ARHGEF18: variants seen among roughly 807,000 people sequenced by gnomAD.
ARHGEF18 encodes Rho/Rac guanine nucleotide exchange factor 18, also known as rho guanine nucleotide exchange factor 18.
ARHGEF18 carries 93 observed loss-of-function variants against 155.7 expected under a neutral mutation model. That is an observed-to-expected ratio of 0.60 (90% CI 0.50 to 0.71). The LOEUF is 0.71. Among genes scored for constraint, ARHGEF18 ranks in the 30% least tolerant of loss-of-function variants. ARHGEF18 has a pLI of 0.00. For missense variants in ARHGEF18, 1,593 were observed against 1,816.1 expected (o/e 0.88, Z 2.23); for synonymous variants, 742 against 753.1 (o/e 0.99, Z 0.24).
In ARHGEF18 at chr19:7,437,793, G is replaced by T. The variant is rs190838294; in HGVS notation, c.968-2551G>T. ...CGAGTAGCTGGGATTACAGGTGCCC[G>T]CCACCATGCCCAGCTAATTTTGTAT... On this transcript the variant is annotated intron_variant, in intron 10 of 28. Transcript: ENST00000668164. 2.6e-5 allele frequency among the ~76,000 whole-genome samples: 4 copies of T among 151,180 alleles called. 1 individual carries two copies. The highest frequency in any genetic ancestry group is 9.7e-5 in the African/African-American group (4 of 41,130).
Position 7,376,642 on chromosome 19 carries a change from G to C in ARHGEF18, c.427-1G>C. ...TTAGTGAGATGTTTAATCCCCTGCA[G>C]GAATGTGACAGCCCCAAGAAAAGAG... On this transcript the variant is annotated splice_acceptor_variant, in intron 4 of 28. Coordinates refer to ENST00000668164, the MANE Select transcript of ARHGEF18 (RefSeq NM_001367823.1). LOFTEE classifies it high-confidence loss of function. 1 of 1,234,122 alleles carries C rather than the reference G, an allele frequency of 8.1e-7. No individual in the cohort carries two copies. Among genetic ancestry groups the C allele is most frequent in the African/African-American group, 1.5e-5 (1 of 64,594 alleles). 76.4% of individuals were successfully genotyped at this position (1,234,122 alleles called of 1,614,324 possible).
intron 2 of ARHGEF18, among the ~76,000 whole-genome samples, chr19:7,371,512 GTC>G (rs1353286066): frequency 1.3e-5 from 2 of 151,886 alleles, no homozygotes; most frequent in Non-Finnish European, 2.9e-5. Context: ...GTGAAACCCC[GTC>G]TCTAATAAAA....
chr19:7,478,043 A>G, the ARHGEF18 span, among the ~76,000 whole-genome samples: 1 of 152,206 alleles, frequency 6.6e-6, no homozygotes, highest in Non-Finnish European at 1.5e-5. Flanking sequence ...AGAAAAAGCA[A>G]CAGTAACAAT....
At chr19:7,426,178 C>CA (rs917425705) in intron 10 of ARHGEF18, among the ~76,000 whole-genome samples, 12 of 151,356 alleles carry the variant, frequency 7.9e-5, no homozygotes, top group African/African-American at 2.7e-4. Flanking sequence ...GACCCTGTCT[C>CA]AAAAAAGAAA....
chr19:7,416,986 T>A (rs949566827), intron 10 of ARHGEF18, among the ~76,000 whole-genome samples: 3 of 151,970 alleles, frequency 2.0e-5, no homozygotes, highest in Non-Finnish European at 4.4e-5. Flanking sequence ...CTCGGCTCAC[T>A]GCAGCCTTTG....
chr19:7,360,937 T>C (rs1001341637), intron 1 of ARHGEF18, among the ~76,000 whole-genome samples: 1 of 152,172 alleles, frequency 6.6e-6, no homozygotes, highest in African/African-American at 2.4e-5. Context: ...GTGGAAACCC[T>C]GGCATTGCTC....
At chr19:7,446,401 A>G (rs1974993790) in intron 14 of ARHGEF18, among the ~76,000 whole-genome samples, 1 of 151,848 alleles carries the variant, frequency 6.6e-6, no homozygotes, top group Non-Finnish European at 1.5e-5. Context: ...TGGAATTGCA[A>G]ATAAATCTAA....
chr19:7,389,491 C>CT (rs1390459093), intron 10 of ARHGEF18, among the ~76,000 whole-genome samples: 1 of 91,376 alleles, frequency 1.1e-5, no homozygotes, highest in Non-Finnish European at 2.3e-5. Flanking sequence ...TTCCTTCTTC[C>CT]TTCCTCCCTT....
chr19:7,372,704 A>G, intron 2 of ARHGEF18, 108 bp from the exon 3 acceptor site: 1 of 1,125,106 alleles, frequency 8.9e-7, no homozygotes, highest in South Asian at 4.7e-5. Flanking sequence ...GGTAGGGGAC[A>G]GGCAGGGTCT....
chr19:7,468,075 C>A (rs1483786987), intron 26 of ARHGEF18, among the ~76,000 whole-genome samples: 4 of 152,072 alleles, frequency 2.6e-5, no homozygotes, highest in African/African-American at 9.7e-5. Flanking sequence ...GTGGCATGCA[C>A]CTGTGGTCCC....
intron 10 of ARHGEF18, among the ~76,000 whole-genome samples, chr19:7,398,824 G>GT (rs143633579): frequency 0.029 from 4,384 of 152,324 alleles, 107 homozygotes; most frequent in South Asian, 0.079. Context: ...TGGCATAGCT[G>GT]TAGTATAATT....
At position 7,470,496 on chromosome 19, in the gene ARHGEF18, C is replaced by T. The variant is rs578150507; in HGVS notation, c.*198C>T. 1.8e-5 allele frequency: 8 copies of T among 443,662 alleles called. No individual in the cohort carries two copies. Among genetic ancestry groups the T allele is most frequent in the South Asian group, 1.2e-4 (1 of 8,016 alleles). 27.5% of individuals were successfully genotyped at this position (443,662 alleles called of 1,614,324 possible). A position where few individuals can be genotyped will look rare whatever the true frequency, so the allele number is the denominator to read the frequency against. On this transcript the variant is annotated 3_prime_UTR_variant, in exon 29 of 29. Transcript: ENST00000668164. This position sits in a 1 kb window ranked among gnomAD's most constrained non-coding sequence, Gnocchi z 5.9. ...GTTTCTGTAGGGTTAGCGGTGGTGC[C>T]GGGGTCACTTTCTGAATCTCTTTTT...
At chr19:7,376,076 T>C (rs1210123968) in intron 4 of ARHGEF18, among the ~76,000 whole-genome samples, 1 of 152,062 alleles carries the variant, frequency 6.6e-6, no homozygotes, top group African/African-American at 2.4e-5. Flanking sequence ...TTTCCCTGGG[T>C]AAGCATCTGG....
intron 10 of ARHGEF18, among the ~76,000 whole-genome samples, chr19:7,428,184 A>G (rs1973765090): frequency 6.6e-6 from 1 of 152,216 alleles, no homozygotes. Flanking sequence ...GTGGTAGCTA[A>G]GTCGAAGAGT....
At chr19:7,446,909 A>AAG in intron 14 of ARHGEF18, 134 bp from the exon 15 acceptor site, 3 of 1,118,408 alleles carry the variant, frequency 2.7e-6, no homozygotes, top group Non-Finnish European at 3.6e-6. Context: ...AAAAAAAAAA[A>AAG]AAGAAGAAGA....
In ARHGEF18 at chr19:7,440,730, T is replaced by C. The variant is rs1263405754; in HGVS notation, c.1106+248T>C. ...TTGCTTAGTGCCCTCGAGGGATCCT[T>C]GGACTCGCTCCTTAGGCCGGGCTCC... On this transcript the variant is annotated intron_variant, in intron 11 of 28. Transcript: ENST00000668164. The surrounding 1 kb of genome is among the most constrained non-coding windows in gnomAD (Gnocchi z 5.4). Among the ~76,000 whole-genome samples the C allele has an allele frequency of 1.3e-5, 2 of 152,172 alleles. No homozygotes were observed. The highest frequency in any genetic ancestry group is 2.9e-5 in the Non-Finnish European group (2 of 68,026).
At chr19:7,364,510 G>A (rs530429924) in intron 2 of ARHGEF18, among the ~76,000 whole-genome samples, 62 of 152,228 alleles carry the variant, frequency 4.1e-4, no homozygotes, top group African/African-American at 1.4e-3. Context: ...TGCAGCCTGC[G>A]TCCATACCCT....
intron 1 of ARHGEF18, among the ~76,000 whole-genome samples, chr19:7,361,829 T>C (rs1260688635): frequency 6.6e-6 from 1 of 151,242 alleles, no homozygotes; most frequent in Non-Finnish European, 1.5e-5. Flanking sequence ...CCCAACTCTA[T>C]TAATCACACA....
intron 10 of ARHGEF18, among the ~76,000 whole-genome samples, chr19:7,390,010 G>T (rs990084599): frequency 6.6e-6 from 1 of 151,926 alleles, no homozygotes; most frequent in African/African-American, 2.4e-5. Context: ...GGGCAATATA[G>T]TGAGACCCTC....
Sources: gnomAD v4.1 joint callset for allele counts (sites outside exome capture counted in the v4.1 genomes callset) on GRCh38, gnomAD v4.1.1 for gene constraint, Gnocchi (gnomAD v3.1) non-coding constraint, MANE v1.5 for transcripts, NCBI Gene and HGNC (gene_info 2026-07-23, HGNC 2026-07-21) for gene names.